The following IPO11 variants were observed in gnomAD, a reference collection of about 807,000 sequenced individuals.
IPO11 encodes importin-11.
In IPO11, 66 loss-of-function variants were observed where a neutral mutation model predicts 143.2. That is an observed-to-expected ratio of 0.46 (90% confidence interval 0.38 to 0.57). The LOEUF (loss-of-function observed/expected upper bound fraction) is 0.57, where lower values mean the gene tolerates loss of function less well. Ranked by LOEUF, IPO11 falls within the 20% of genes least tolerant of loss-of-function variation. The pLI is 0.00. For missense variants in IPO11, 1,026 were observed against 1,141.0 expected, an observed-to-expected ratio of 0.90 and a Z score of 1.45; for synonymous variants, 385 against 377.8, an observed-to-expected ratio of 1.02 and a Z score of -0.22.
At chr5:62,516,817 C>T (rs1362890596) in intron 20 of IPO11, among the ~76,000 whole-genome samples, 2 of 151,960 alleles carry the variant, frequency 1.3e-5, no homozygotes, top group Non-Finnish European at 2.9e-5. Flanking sequence ...TCACTACCAT[C>T]CATCTCTGTA....
intron 5 of IPO11, among the ~76,000 whole-genome samples, chr5:62,458,857 A>G (rs1376602023): frequency 1.3e-5 from 2 of 152,214 alleles, no homozygotes; most frequent in Non-Finnish European, 2.9e-5. Context: ...TCCTGTATTG[A>G]TTCATAAAGC....
chr5:62,609,446 T>C (rs1262915901), intron 29 of IPO11, among the ~76,000 whole-genome samples: 1 of 152,168 alleles, frequency 6.6e-6, no homozygotes, highest in Non-Finnish European at 1.5e-5. Flanking sequence ...TAAGGCCAAA[T>C]ATATGATTGA....
At chr5:62,566,367 C>A (rs1743939890) in intron 27 of IPO11, among the ~76,000 whole-genome samples, 1 of 152,138 alleles carries the variant, frequency 6.6e-6, no homozygotes, top group Admixed American at 6.5e-5. Flanking sequence ...ATTTGCATTT[C>A]TCTAATGATC....
intron 26 of IPO11, among the ~76,000 whole-genome samples, chr5:62,559,652 C>G (rs1743700296): frequency 6.6e-6 from 1 of 151,714 alleles, no homozygotes; most frequent in East Asian, 1.9e-4. Context: ...TGCGGTGGCT[C>G]ACGCCTGTAA....
At position 62,526,148 on chromosome 5, in the gene IPO11, G is replaced by A; in HGVS notation, c.1903G>A (p.Gly635Arg). Residue 635 changes from glycine (G) to arginine (R), a missense_variant, in exon 21 of 30, where the codon GGA becomes AGA. This residue lies in a region of IPO11 where 237 missense variants were observed against 288.0 expected (regional missense o/e 0.82). Transcript: ENST00000325324. The part of the protein sequence containing the change: ...TTLIHLVQGL[G>R]ADSKNLYPFL... ...TTATTTATACTTCCCATAGGGATTA[G>A]GAGCAGACAGCAAGAACCTGTACCC... 6.2e-7 allele frequency: 1 copy of A among 1,608,260 alleles called. No homozygotes were observed. The highest frequency in any genetic ancestry group is 8.5e-7 in the Non-Finnish European group (1 of 1,174,972).
At chr5:62,492,158 A>T (rs1021794209) in intron 15 of IPO11, among the ~76,000 whole-genome samples, 1 of 152,160 alleles carries the variant, frequency 6.6e-6, no homozygotes, top group Non-Finnish European at 1.5e-5. Flanking sequence ...AGTGATCTAT[A>T]CTTTTACTTC....
chr5:62,546,939 G>T (rs1266050235), intron 24 of IPO11, among the ~76,000 whole-genome samples: 1 of 152,108 alleles, frequency 6.6e-6, no homozygotes, highest in African/African-American at 2.4e-5. Flanking sequence ...GGTGAAACTA[G>T]ATCTGTCAGG....
intron 3 of IPO11, among the ~76,000 whole-genome samples, chr5:62,446,836 G>A (rs1744735800): frequency 6.6e-6 from 1 of 152,024 alleles, no homozygotes; most frequent in Non-Finnish European, 1.5e-5. Context: ...GGACATGGTA[G>A]TGTAAGCCTG....
At chr5:62,541,367 G>T (rs1224862278) in intron 24 of IPO11, among the ~76,000 whole-genome samples, 1 of 144,796 alleles carries the variant, frequency 6.9e-6, no homozygotes, top group Non-Finnish European at 1.5e-5. Context: ...GCGAAACGCT[G>T]TCTCAAAAAA....
At chr5:62,463,347 G>A (rs1400947013) in intron 5 of IPO11, among the ~76,000 whole-genome samples, 1 of 151,888 alleles carries the variant, frequency 6.6e-6, no homozygotes, top group African/African-American at 2.4e-5. Context: ...TGCCCAGGGT[G>A]TACTTTATAT....
At chr5:62,440,682 G>C (rs1744437117) in intron 2 of IPO11, among the ~76,000 whole-genome samples, 1 of 151,518 alleles carries the variant, frequency 6.6e-6, no homozygotes, top group Non-Finnish European at 1.5e-5. Flanking sequence ...AAAATACTTG[G>C]CTGATCACAG....
intron 28 of IPO11, among the ~76,000 whole-genome samples, chr5:62,600,885 A>T (rs1173060983): frequency 6.6e-6 from 1 of 152,184 alleles, no homozygotes; most frequent in Non-Finnish European, 1.5e-5. Flanking sequence ...GAAACGAAAG[A>T]CACTTGTTTC....
intron 27 of IPO11, among the ~76,000 whole-genome samples, chr5:62,574,710 A>G (rs1744253625): frequency 6.6e-6 from 1 of 152,194 alleles, no homozygotes. Context: ...ATATACTCGC[A>G]ATGAGGATGG....
At chr5:62,567,489 A>AT (rs150049462) in intron 27 of IPO11, among the ~76,000 whole-genome samples, 64,080 of 121,530 alleles carry the variant, frequency 0.53, 16,405 homozygotes, top group South Asian at 0.64. Context: ...TATTATTATT[A>AT]TTATTATTTT....
chr5:62,565,698 G>A (rs554937905), intron 27 of IPO11, among the ~76,000 whole-genome samples: 160 of 151,726 alleles, frequency 1.1e-3, no homozygotes, highest in African/African-American at 3.6e-3. Context: ...AATACAGAAC[G>A]TGTAGGTTTC....
rs755476996 is a variant in IPO11 at position 62,530,690 on chromosome 5, ATC to A, written c.2013-17_2013-16del. ...AATGGGCATGGAAAGTGGTTTAATCATCTGTTTTTCCTTCCTAGGTTAGTAAC... is the reference window on the plus strand; with the variant it reads ...AATGGGCATGGAAAGTGGTTTAATCATGTTTTTCCTTCCTAGGTTAGTAAC... On this transcript the variant is annotated splice_polypyrimidine_tract_variant and intron_variant, in intron 21 of 29. Transcript: ENST00000325324. 9 of 1,567,962 alleles carry A rather than the reference ATC, an allele frequency of 5.7e-6. No individual in the cohort carries two copies. Among genetic ancestry groups the A allele is most frequent in the Non-Finnish European group, 7.9e-6 (9 of 1,139,192 alleles).
chr5:62,490,125 T>C lies in IPO11; in HGVS notation c.1368T>C (p.Ala456=). 4 of 1,592,864 alleles carry C rather than the reference T, an allele frequency of 2.5e-6. No individual in the cohort carries two copies. Among genetic ancestry groups the C allele is most frequent in the Non-Finnish European group, 3.4e-6 (4 of 1,171,792 alleles). The part of the protein sequence containing the change: ...ALLIKDAVYN[A]VGLAAYELFD... ...AAATTTTCTTCTCAGTGTATAATGC[T>C]GTTGGATTAGCTGCTTATGAGCTCT... The change falls in exon 15 of 30, where the codon GCT becomes GCC. Residue 456 remains alanine, a synonymous_variant. Transcript: ENST00000325324.
At position 62,561,352 on chromosome 5, in the gene IPO11, G is replaced by A. The variant is rs1433395895; in HGVS notation, c.2582+95G>A. ...GTATTGCTGTGTGTTGCTGGGCAGT[G>A]GTACTTTTATATATATGGATGTGAA... On this transcript the variant is annotated intron_variant, in intron 27 of 29. Transcript: ENST00000325324. 1.2e-4 allele frequency: 62 copies of A among 534,896 alleles called. 6 individuals carry two copies. Among genetic ancestry groups the A allele is most frequent in the South Asian group, 9.5e-4 (22 of 23,090 alleles). 33.1% of individuals were successfully genotyped at this position (534,896 alleles called of 1,614,324 possible). A position where few individuals can be genotyped will look rare whatever the true frequency, so the allele number is the denominator to read the frequency against.
intron 1 of IPO11, among the ~76,000 whole-genome samples, chr5:62,416,187 T>C (rs1409629915): frequency 5.4e-5 from 8 of 147,040 alleles, no homozygotes; most frequent in African/African-American, 1.0e-4. Context: ...CTTTTCTTTT[T>C]TTTTTTTTTT....
Sources: gnomAD v4.1 joint callset for allele counts (sites outside exome capture counted in the v4.1 genomes callset) on GRCh38, gnomAD v4.1.1 for gene constraint, gnomAD v4.1.1 regional missense constraint, MANE v1.5 for transcripts, NCBI Gene and HGNC (gene_info 2026-07-23, HGNC 2026-07-21) for gene names.